The following NELL2 variants were observed in gnomAD, a reference collection of about 807,000 sequenced individuals.
NELL2 encodes the protein protein kinase C-binding protein NELL2.
NELL2 carries 41 observed loss-of-function variants against 109.6 expected under a neutral mutation model. The ratio of observed to expected loss-of-function variants is 0.37; its 90% CI spans 0.29 to 0.49. NELL2 has a LOEUF of 0.49. NELL2 is among the 20% of genes least tolerant of loss of function. The pLI is 0.98. For synonymous variants in NELL2, 355 were observed against 344.7 expected, an observed-to-expected ratio of 1.03 and a Z score of -0.33; for missense variants, 900 against 1,008.3, an observed-to-expected ratio of 0.89 and a Z score of 1.45.
intron 13 of NELL2, among the ~76,000 whole-genome samples, chr12:44,639,371 G>A (rs540337693): frequency 1.3e-4 from 20 of 152,120 alleles, no homozygotes; most frequent in Admixed American, 4.6e-4. Flanking sequence ...TCTTTCCAGC[G>A]TTATCATAAC....
chr12:44,645,554 A>T (rs1947062942), intron 13 of NELL2, among the ~76,000 whole-genome samples: 1 of 152,132 alleles, frequency 6.6e-6, no homozygotes, highest in Admixed American at 6.5e-5. Flanking sequence ...AAGTGGGTAA[A>T]ATTGGGAGAG....
intron 3 of NELL2, among the ~76,000 whole-genome samples, chr12:44,782,440 A>G (rs1942000457): frequency 6.6e-6 from 1 of 151,996 alleles, no homozygotes; most frequent in Non-Finnish European, 1.5e-5. Context: ...ACATGCATCA[A>G]TTAAAAGAAA....
At chr12:44,870,474 T>C (rs1399450304) in intron 2 of NELL2, among the ~76,000 whole-genome samples, 1 of 152,170 alleles carries the variant, frequency 6.6e-6, no homozygotes, top group African/African-American at 2.4e-5. Context: ...CACCACAAAC[T>C]TAGTGACTTA....
chr12:44,693,024 C>A (rs1184862514), intron 12 of NELL2, among the ~76,000 whole-genome samples: 1 of 152,124 alleles, frequency 6.6e-6, no homozygotes, highest in Non-Finnish European at 1.5e-5. Flanking sequence ...GAAAAAAGTT[C>A]TACTGTAGAT....
intron 1 of NELL2, among the ~76,000 whole-genome samples, chr12:44,910,308 A>C (rs1945765508): frequency 6.6e-6 from 1 of 151,994 alleles, no homozygotes; most frequent in African/African-American, 2.4e-5. Flanking sequence ...AATGGGCAAA[A>C]GACATAAGAG....
At chr12:44,825,386 A>G (rs541104912) in intron 2 of NELL2, among the ~76,000 whole-genome samples, 3 of 109,160 alleles carry the variant, frequency 2.7e-5, no homozygotes, top group African/African-American at 1.0e-4. Context: ...TGTTTTATTC[A>G]TTTCCTTTTT....
intron 15 of NELL2, among the ~76,000 whole-genome samples, chr12:44,566,902 C>G (rs971885123): frequency 6.6e-6 from 1 of 151,978 alleles, no homozygotes; most frequent in Non-Finnish European, 1.5e-5. Context: ...ACATCCACCT[C>G]TCGGGTTCAA....
At chr12:44,692,372 T>G (rs969607171) in intron 12 of NELL2, among the ~76,000 whole-genome samples, 7 of 152,180 alleles carry the variant, frequency 4.6e-5, no homozygotes, top group African/African-American at 1.4e-4. Flanking sequence ...CAAATTATTG[T>G]GGCCCATTGA....
chr12:44,633,968 C>G (rs150490959), intron 13 of NELL2, among the ~76,000 whole-genome samples: 6 of 152,092 alleles, frequency 3.9e-5, no homozygotes, highest in African/African-American at 1.4e-4. Context: ...AGGTTGCCAG[C>G]TGAAAAGCTC....
chr12:44,565,552 T>C (rs1454448430), intron 15 of NELL2, among the ~76,000 whole-genome samples: 1 of 151,994 alleles, frequency 6.6e-6, no homozygotes, highest in East Asian at 1.9e-4. Context: ...GGAGAGCACT[T>C]TTAGATTGAG....
intron 15 of NELL2, among the ~76,000 whole-genome samples, chr12:44,581,340 T>C (rs960436816): frequency 1.3e-5 from 2 of 152,186 alleles, no homozygotes; most frequent in Non-Finnish European, 1.5e-5. Flanking sequence ...CACTGCCCAC[T>C]TGGCAAATAG....
chr12:44,631,953 T>C (rs572093577), intron 13 of NELL2, among the ~76,000 whole-genome samples: 1 of 152,126 alleles, frequency 6.6e-6, no homozygotes, highest in Admixed American at 6.6e-5. Context: ...AATTTAACGG[T>C]ATATAAAAAG....
chr12:44,558,682 G>C (rs1943348668), intron 15 of NELL2, among the ~76,000 whole-genome samples: 1 of 152,162 alleles, frequency 6.6e-6, no homozygotes, highest in African/African-American at 2.4e-5. Context: ...GCAAACCACG[G>C]ACCAGGAGAT....
chr12:44,901,134 A>C (rs1183667635), intron 1 of NELL2, among the ~76,000 whole-genome samples: 1 of 152,224 alleles, frequency 6.6e-6, no homozygotes, highest in Non-Finnish European at 1.5e-5. Flanking sequence ...AAAGATTAAC[A>C]ACATAGATAG....
chr12:44,514,958 A>G (rs1343069786), intron 19 of NELL2, among the ~76,000 whole-genome samples: 1 of 151,062 alleles, frequency 6.6e-6, no homozygotes, highest in Non-Finnish European at 1.5e-5. Flanking sequence ...ATATATTATA[A>G]TCCGTAGGAC....
chr12:44,819,536 A>G (rs552723065), intron 2 of NELL2, among the ~76,000 whole-genome samples: 1 of 152,284 alleles, frequency 6.6e-6, no homozygotes, highest in African/African-American at 2.4e-5. Context: ...GTAGACGGAT[A>G]ATTTGTATTG....
intron 2 of NELL2, among the ~76,000 whole-genome samples, chr12:44,868,194 T>C (rs1337856803): frequency 6.7e-6 from 1 of 148,870 alleles, no homozygotes; most frequent in African/African-American, 2.5e-5. Context: ...ACAATGGCTA[T>C]GAAAAAGATA....
chr12:44,882,834 C>CTTTTT (rs35577007), intron 1 of NELL2, among the ~76,000 whole-genome samples: 8 of 73,278 alleles, frequency 1.1e-4, no homozygotes, highest in East Asian at 5.3e-4. Flanking sequence ...GGCTATATAC[C>CTTTTT]TTTTTTTTTT....
chr12:44,900,912 C>G (rs1945652629), intron 1 of NELL2, among the ~76,000 whole-genome samples: 1 of 152,006 alleles, frequency 6.6e-6, no homozygotes, highest in Non-Finnish European at 1.5e-5. Flanking sequence ...TTGCTTAAAC[C>G]CAGGAGACAA....
Sources: allele counts gnomAD v4.1 joint callset (sites outside exome capture counted in the v4.1 genomes callset), GRCh38; gene constraint gnomAD v4.1.1; transcripts MANE v1.5; gene names NCBI Gene and HGNC (gene_info 2026-07-23, HGNC 2026-07-21).